The following RPTOR variants were observed in gnomAD, a reference collection of about 807,000 sequenced individuals.
RPTOR encodes the protein regulatory-associated protein of mTOR.
A neutral mutation model predicts 169.9 loss-of-function variants in RPTOR; 21 were observed. That is an observed-to-expected ratio of 0.12 (90% confidence interval 0.09 to 0.18). The LOEUF is 0.18. Among genes scored for constraint, RPTOR ranks in the 10% least tolerant of loss-of-function variants. The probability of loss-of-function intolerance (pLI) is 1.00; values close to 1 mark genes in which losing one functional copy is unlikely to be tolerated. For synonymous variants in RPTOR, 732 were observed against 753.2 expected (o/e 0.97, Z 0.46); for missense variants, 1,133 against 1,855.9 (o/e 0.61, Z 7.16).
chr17:80,822,083 G>A lies in RPTOR; in HGVS notation c.891-118G>A, dbSNP rs2067385286. ...GCCGTGCGCCAAGCTTCTGCTCAGAGCCTTCCTCCCTCGCTCAGAGCCTTT... is the reference window on the plus strand; with the variant it reads ...GCCGTGCGCCAAGCTTCTGCTCAGAACCTTCCTCCCTCGCTCAGAGCCTTT... On this transcript the variant is annotated intron_variant, in intron 7 of 33. Transcript: ENST00000306801. 3.4e-6 allele frequency: 3 copies of A among 873,996 alleles called. No individual in the cohort carries two copies. In the South Asian group the frequency reaches 4.2e-5, roughly 12 times the overall value. The allele number at this position is 873,996 out of a possible 1,614,324, so 54.1% of individuals were successfully genotyped here. A position where few individuals can be genotyped will look rare whatever the true frequency, so the allele number is the denominator to read the frequency against.
At chr17:80,958,845 G>A (rs1568011433) in intron 29 of RPTOR, among the ~76,000 whole-genome samples, 1 of 152,236 alleles carries the variant, frequency 6.6e-6, no homozygotes, top group Non-Finnish European at 1.5e-5. Context: ...AAATCTAACT[G>A]CATTGACTTC....
chr17:80,733,429 A>G (rs1433194214), intron 5 of RPTOR, among the ~76,000 whole-genome samples: 2 of 152,340 alleles, frequency 1.3e-5, no homozygotes, highest in East Asian at 3.9e-4. Flanking sequence ...TATGATGAAT[A>G]AAGTAGTCCC....
chr17:80,861,994 G>A lies in RPTOR; in HGVS notation c.1509+4094G>A, dbSNP rs1048732509. ...GGATCTCCCAGGGCCTGTTGCTCTC[G>A]AGTGCCCCAAATGGCAGAACGTGGC... On this transcript the variant is annotated intron_variant, in intron 13 of 33. Transcript: ENST00000306801. The surrounding 1 kb of genome is among the most constrained non-coding windows in gnomAD (Gnocchi z 4.5). 4.6e-5 allele frequency among the ~76,000 whole-genome samples: 7 copies of A among 152,092 alleles called. No individual in the cohort carries two copies. Among genetic ancestry groups the A allele is most frequent in the Non-Finnish European group, 5.9e-5 (4 of 68,010 alleles).
At chr17:80,937,859 C>A (rs2068973672) in intron 24 of RPTOR, among the ~76,000 whole-genome samples, 1 of 152,256 alleles carries the variant, frequency 6.6e-6, no homozygotes, top group Non-Finnish European at 1.5e-5. Context: ...ATCCACCGCT[C>A]TCCCTCCTGC....
rs1327703550 is a variant in RPTOR, at chr17:80,845,572, C to T, written c.1213-901C>T. On this transcript the variant is annotated intron_variant, in intron 10 of 33. Coordinates refer to ENST00000306801, the MANE Select transcript of RPTOR (RefSeq NM_020761.3). The surrounding 1 kb of genome is among the most constrained non-coding windows in gnomAD (Gnocchi z 5.4). ...TGCTCTGCCAGCCCAGCCTGTGCTT[C>T]CAGTCCCATCCCCCAGCCTGCCCGA... is the stretch of plus-strand genomic sequence containing the variant. Among the ~76,000 whole-genome samples the T allele has an allele frequency of 1.3e-5, 2 of 152,032 alleles. No individual in the cohort carries two copies. Among genetic ancestry groups the T allele is most frequent in the Non-Finnish European group, 2.9e-5 (2 of 67,996 alleles).
chr17:80,900,104 T>G (rs1348334164), intron 20 of RPTOR, among the ~76,000 whole-genome samples: 1 of 152,020 alleles, frequency 6.6e-6, no homozygotes, highest in Non-Finnish European at 1.5e-5. Context: ...GCGTCCTCCC[T>G]CTGCAGCCAA....
At chr17:80,759,084 G>A (rs2066709417) in intron 6 of RPTOR, among the ~76,000 whole-genome samples, 1 of 151,918 alleles carries the variant, frequency 6.6e-6, no homozygotes, top group African/African-American at 2.4e-5. Flanking sequence ...GGCCAGATGT[G>A]GCAGTGCGTC....
intron 1 of RPTOR, among the ~76,000 whole-genome samples, chr17:80,551,979 C>A (rs2084351600): frequency 6.6e-6 from 1 of 152,194 alleles, no homozygotes; most frequent in Non-Finnish European, 1.5e-5. Context: ...GCACATCTTG[C>A]ACCGCCCTTA....
chr17:80,801,423 T>G lies in RPTOR; in HGVS notation c.890+9914T>G, dbSNP rs558723846. 9.2e-5 allele frequency among the ~76,000 whole-genome samples: 14 copies of G among 152,174 alleles called. No individual in the cohort carries two copies. In the East Asian group the frequency reaches 2.7e-3, roughly 30 times the overall value. On this transcript the variant is annotated intron_variant, in intron 7 of 33. Transcript: ENST00000306801. ...CTGGGACAGGGATTTGCTGGCAGCC[T>G]CCCTGGAGCCTGCATCTCCTTCCCC...
intron 2 of RPTOR, among the ~76,000 whole-genome samples, chr17:80,626,734 T>TA (rs772991416): frequency 0.01 from 1,507 of 146,472 alleles, 28 homozygotes; most frequent in African/African-American, 0.031. Context: ...TTTTTTTTTT[T>TA]AATTGTGGTA....
intron 2 of RPTOR, among the ~76,000 whole-genome samples, chr17:80,638,463 G>A (rs1022845900): frequency 7.1e-6 from 1 of 140,800 alleles, no homozygotes; most frequent in Non-Finnish European, 1.5e-5. Context: ...GTGCAGTGGT[G>A]TGATCATGGC....
chr17:80,712,537 G>A (rs1039064000), intron 4 of RPTOR, among the ~76,000 whole-genome samples: 4 of 152,198 alleles, frequency 2.6e-5, no homozygotes, highest in African/African-American at 9.7e-5. Flanking sequence ...ACTCTACTGT[G>A]TGAATGCAAC....
chr17:80,755,193 A>T (rs2066668214), intron 6 of RPTOR, among the ~76,000 whole-genome samples: 1 of 152,208 alleles, frequency 6.6e-6, no homozygotes, highest in Non-Finnish European at 1.5e-5. Context: ...GGGTGACTGC[A>T]GCGCAGCCCT....
chr17:80,948,364 G>A (rs933755691), intron 27 of RPTOR, among the ~76,000 whole-genome samples: 5 of 152,358 alleles, frequency 3.3e-5, no homozygotes, highest in Middle Eastern at 3.4e-3. Flanking sequence ...AACCGATGTC[G>A]AAAGCCCGTC....
chr17:80,626,400 A>G (rs1237004117), intron 2 of RPTOR, among the ~76,000 whole-genome samples: 2 of 152,188 alleles, frequency 1.3e-5, no homozygotes, highest in South Asian at 4.1e-4. Flanking sequence ...CACACATAGT[A>G]TCTATGTACA....
intron 3 of RPTOR, among the ~76,000 whole-genome samples, chr17:80,700,757 ATGGTGATGG>A (rs2066090981): frequency 6.2e-5 from 3 of 48,464 alleles, no homozygotes; most frequent in Non-Finnish European, 1.1e-4. Context: ...GGTGGTGATG[ATGGTGATGG>A]TGATGGTAGA....
intron 6 of RPTOR, among the ~76,000 whole-genome samples, chr17:80,784,739 C>T (rs187889738): frequency 2.1e-3 from 314 of 149,984 alleles, no homozygotes; most frequent in African/African-American, 7.1e-3. Flanking sequence ...GCTCTTTTTG[C>T]CAAGGCTGGA....
chr17:80,887,958 G>A (rs929581413), intron 17 of RPTOR, among the ~76,000 whole-genome samples: 7 of 152,192 alleles, frequency 4.6e-5, no homozygotes, highest in African/African-American at 1.7e-4. Context: ...GGCCAGGGGT[G>A]CGGGGCTAGA....
intron 20 of RPTOR, among the ~76,000 whole-genome samples, chr17:80,905,072 G>A (rs1215161151): frequency 1.3e-5 from 2 of 152,170 alleles, no homozygotes; most frequent in Non-Finnish European, 2.9e-5. Context: ...GGAAAGGCGT[G>A]ACAGCTGTGC....
Sources: allele counts gnomAD v4.1 joint callset (sites outside exome capture counted in the v4.1 genomes callset), GRCh38; gene constraint gnomAD v4.1.1; non-coding constraint Gnocchi (gnomAD v3.1); transcripts MANE v1.5; gene names NCBI Gene and HGNC (gene_info 2026-07-23, HGNC 2026-07-21).